ARHGAP15: variants seen among roughly 807,000 people sequenced by gnomAD.
ARHGAP15 encodes the protein Rho GTPase activating protein 15.
In ARHGAP15, 51 loss-of-function variants were observed where a neutral mutation model predicts 63.7. That is an observed-to-expected ratio of 0.80 (90% CI 0.64 to 1.01). The LOEUF (loss-of-function observed/expected upper bound fraction) is 1.01, where lower values mean the gene tolerates loss of function less well. Among genes scored for constraint, ARHGAP15 ranks in the 50% least tolerant of loss-of-function variants. ARHGAP15 has a pLI of 0.00. For synonymous variants in ARHGAP15, 191 were observed against 193.8 expected, an observed-to-expected ratio of 0.99 and a Z score of 0.12; for missense variants, 560 against 564.6, an observed-to-expected ratio of 0.99 and a Z score of 0.08.
chr2:143,427,524 A>G (rs893502298), intron 6 of ARHGAP15, among the ~76,000 whole-genome samples: 3 of 151,464 alleles, frequency 2.0e-5, no homozygotes, highest in African/African-American at 7.3e-5. Flanking sequence ...ACTCCCAATT[A>G]CCAAAGCCTA....
At chr2:143,637,887 A>G (rs572916796) in intron 12 of ARHGAP15, among the ~76,000 whole-genome samples, 65 of 152,290 alleles carry the variant, frequency 4.3e-4, no homozygotes, top group African/African-American at 1.5e-3. Context: ...GCAGCCAAAA[A>G]ACACATGAAA....
At chr2:143,202,279 C>G in intron 3 of ARHGAP15, 77 bp downstream of exon 3, 4 of 1,184,210 alleles carry the variant, frequency 3.4e-6, no homozygotes, top group Non-Finnish European at 5.1e-6. Context: ...CTTAGAACAG[C>G]TTAAGTTATT....
chr2:143,632,917 G>A (rs574664911), intron 12 of ARHGAP15, among the ~76,000 whole-genome samples: 2 of 152,262 alleles, frequency 1.3e-5, no homozygotes, highest in East Asian at 3.9e-4. Flanking sequence ...AACAGAGCTT[G>A]CAAGGCACTT....
intron 13 of ARHGAP15, among the ~76,000 whole-genome samples, chr2:143,758,136 G>T (rs1370429273): frequency 2.0e-5 from 3 of 151,896 alleles, no homozygotes; most frequent in Admixed American, 6.6e-5. Context: ...TTTTTTAAAA[G>T]AATGAGGTAT....
At chr2:143,597,570 G>A (rs543779313) in intron 11 of ARHGAP15, among the ~76,000 whole-genome samples, 21 of 152,126 alleles carry the variant, frequency 1.4e-4, no homozygotes, top group Admixed American at 1.2e-3. Context: ...AACTCTAATT[G>A]AAGAGAGACC....
At chr2:143,446,136 AATATAAT>A (rs1299654273) in intron 8 of ARHGAP15, among the ~76,000 whole-genome samples, 3 of 148,820 alleles carry the variant, frequency 2.0e-5, no homozygotes, top group Non-Finnish European at 3.0e-5. Context: ...TTTCCAGATA[AATATAAT>A]ATATATTTTA....
At chr2:143,245,301 A>G (rs1694007831) in intron 5 of ARHGAP15, among the ~76,000 whole-genome samples, 6 of 152,212 alleles carry the variant, frequency 3.9e-5, no homozygotes. Flanking sequence ...AGAGTATAAA[A>G]GGTGAAATGC....
chr2:143,440,435 C>T lies in ARHGAP15; in HGVS notation c.703+3393C>T, dbSNP rs76046231. Reference sequence around the variant, plus strand: ...GTAGTCTAAGCACAAACTTTATTGTCGGTTTTCTGCCTTTGGCTTCCTGTG... The same window carrying T: ...GTAGTCTAAGCACAAACTTTATTGTTGGTTTTCTGCCTTTGGCTTCCTGTG... On this transcript the variant is annotated intron_variant, in intron 8 of 13. Coordinates refer to ENST00000295095, the MANE Select transcript of ARHGAP15 (RefSeq NM_018460.4). 7.0e-3 allele frequency among the ~76,000 whole-genome samples: 1,068 copies of T among 152,184 alleles called. 36 individuals are homozygous for T. In the East Asian group the frequency reaches 0.071, roughly 10 times the overall value.
intron 12 of ARHGAP15, among the ~76,000 whole-genome samples, chr2:143,697,237 T>C (rs1683891207): frequency 6.6e-6 from 1 of 152,236 alleles, no homozygotes; most frequent in Middle Eastern, 3.4e-3. Context: ...GCATACTAAA[T>C]AGTAAAAGTA....
chr2:143,246,841 C>A (rs993623784), intron 5 of ARHGAP15, among the ~76,000 whole-genome samples: 1 of 152,044 alleles, frequency 6.6e-6, no homozygotes, highest in Non-Finnish European at 1.5e-5. Flanking sequence ...GTCAGATGAG[C>A]AGCAGAATGA....
In ARHGAP15 at chr2:143,153,847, TCCTCCTCCTCCTCCTCCTCC is replaced by T. The variant is rs1689961839; in HGVS notation, c.-14-1629_-14-1610del. Among the ~76,000 whole-genome samples, 6 of 74,360 alleles carry T rather than the reference TCCTCCTCCTCCTCCTCCTCC, an allele frequency of 8.1e-5. No individual in the cohort carries two copies. In the Admixed American group the frequency reaches 8.8e-4, roughly 11 times the overall value. 48.8% of individuals were successfully genotyped at this position (74,360 alleles called of 152,430 possible). On this transcript the variant is annotated intron_variant, in intron 1 of 13. Coordinates refer to ENST00000295095, the MANE Select transcript of ARHGAP15 (RefSeq NM_018460.4). ...TTCTTCTTCTTCTTCTTCTTCTTCC[TCCTCCTCCTCCTCCTCCTCC>T]TCCTCTTCCTCCTCCTCCTCCTCCT...
At chr2:143,170,148 C>G (rs1690715121) in intron 2 of ARHGAP15, among the ~76,000 whole-genome samples, 1 of 152,044 alleles carries the variant, frequency 6.6e-6, no homozygotes, top group Non-Finnish European at 1.5e-5. Context: ...TTTAAACCAC[C>G]CTGAACTCTT....
chr2:143,146,301 G>T (rs1574007735), intron 1 of ARHGAP15, among the ~76,000 whole-genome samples: 1 of 152,032 alleles, frequency 6.6e-6, no homozygotes, highest in Non-Finnish European at 1.5e-5. Context: ...ACAAGCAAAA[G>T]TATTGCACAG....
chr2:143,345,986 T>C (rs1335297192), intron 6 of ARHGAP15, among the ~76,000 whole-genome samples: 1 of 152,026 alleles, frequency 6.6e-6, no homozygotes, highest in African/African-American at 2.4e-5. Flanking sequence ...GTTGCCTAAT[T>C]CTTATAACTT....
At chr2:143,471,757 G>A (rs1203810155) in intron 8 of ARHGAP15, among the ~76,000 whole-genome samples, 1 of 152,176 alleles carries the variant, frequency 6.6e-6, no homozygotes, top group Non-Finnish European at 1.5e-5. Flanking sequence ...TCTGTTTGGA[G>A]TAGGATGAAT....
chr2:143,189,556 G>T (rs182747591), intron 2 of ARHGAP15, among the ~76,000 whole-genome samples: 3 of 149,276 alleles, frequency 2.0e-5, no homozygotes, highest in African/African-American at 7.4e-5. Flanking sequence ...TCCCCTCTCA[G>T]GTTCAAGCGA....
chr2:143,728,724 C>A (rs538519310), intron 13 of ARHGAP15, among the ~76,000 whole-genome samples: 2 of 152,214 alleles, frequency 1.3e-5, no homozygotes, highest in African/African-American at 4.8e-5. Flanking sequence ...TACCACAGTG[C>A]CCGACCGAGC....
chr2:143,539,634 G>T (rs956946247), intron 10 of ARHGAP15, among the ~76,000 whole-genome samples: 9 of 151,696 alleles, frequency 5.9e-5, no homozygotes, highest in Admixed American at 1.3e-4. Flanking sequence ...CATTTCATTA[G>T]GTACCCAGTA....
intron 13 of ARHGAP15, among the ~76,000 whole-genome samples, chr2:143,709,927 C>A (rs1295068507): frequency 6.6e-6 from 1 of 152,164 alleles, no homozygotes; most frequent in East Asian, 1.9e-4. Flanking sequence ...TCGTCAGGGG[C>A]CATGCTGGTG....
Sources: allele counts gnomAD v4.1 joint callset (sites outside exome capture counted in the v4.1 genomes callset), GRCh38; gene constraint gnomAD v4.1.1; transcripts MANE v1.5; gene names NCBI Gene and HGNC (gene_info 2026-07-23, HGNC 2026-07-21).